The following SNAP25 variants were observed in gnomAD, a reference collection of about 807,000 sequenced individuals.
SNAP25 encodes synaptosome associated protein 25, also known as synaptosomal-associated protein 25.
A neutral mutation model predicts 28.7 loss-of-function variants in SNAP25; 3 were observed. That is an observed-to-expected ratio of 0.10 (90% confidence interval 0.05 to 0.27). The LOEUF is 0.27. SNAP25 is among the 10% of genes least tolerant of loss of function. The pLI is 1.00. For synonymous variants in SNAP25, 61 were observed against 88.1 expected (o/e 0.69, Z 1.72); for missense variants, 117 against 278.7 (o/e 0.42, Z 4.13).
Position 10,236,953 on chromosome 20 carries a change from A to AAAATAAAT in SNAP25, c.-64+17981_-64+17982insAATAAATA, listed in dbSNP as rs770867761. Among the ~76,000 whole-genome samples the AAAATAAAT allele has an allele frequency of 6.6e-3, 739 of 111,564 alleles. 4 individuals carry two copies. Among genetic ancestry groups the AAAATAAAT allele is most frequent in the African/African-American group, 0.013 (453 of 33,842 alleles). 73.2% of individuals were successfully genotyped at this position (111,564 alleles called of 152,430 possible). ...CTTCAGTTTACTGAGCCTCCAAAGGAAAATACATAAATAAATAAATAAATA... is the reference window on the plus strand; with the variant it reads ...CTTCAGTTTACTGAGCCTCCAAAGGAAAATAAATAAATACATAAATAAATAAATAAATA... On this transcript the variant is annotated intron_variant, in intron 1 of 7. Transcript: ENST00000254976.
At chr20:10,292,521 T>C (rs2064020126) in intron 4 of SNAP25, among the ~76,000 whole-genome samples, 1 of 152,186 alleles carries the variant, frequency 6.6e-6, no homozygotes. Flanking sequence ...ATCCTTTCCT[T>C]AGTAGCGTTA....
intron 1 of SNAP25, among the ~76,000 whole-genome samples, chr20:10,238,177 C>CGTGGA (rs2062958501): frequency 6.6e-6 from 1 of 152,174 alleles, no homozygotes; most frequent in Non-Finnish European, 1.5e-5. Context: ...GTTCCACCCA[C>CGTGGA]ACATGGCAGG....
intron 1 of SNAP25, among the ~76,000 whole-genome samples, chr20:10,264,343 T>C (rs1296336386): frequency 6.6e-6 from 1 of 152,072 alleles, no homozygotes. Flanking sequence ...CATTTAGGAA[T>C]GGTGTGGGGT....
At chr20:10,267,807 C>T (rs2063530146) in intron 1 of SNAP25, among the ~76,000 whole-genome samples, 1 of 152,220 alleles carries the variant, frequency 6.6e-6, no homozygotes, top group Non-Finnish European at 1.5e-5. Context: ...GCCTCGGCCT[C>T]CCAAAGTGCT....
intron 7 of SNAP25, among the ~76,000 whole-genome samples, chr20:10,300,484 G>A (rs900092428): frequency 3.9e-5 from 6 of 152,144 alleles, no homozygotes; most frequent in African/African-American, 1.2e-4. Flanking sequence ...CCTGGGAGAC[G>A]TTGAAGTTCT....
chr20:10,294,807 G>T (rs55987350), intron 5 of SNAP25, among the ~76,000 whole-genome samples: 17,077 of 135,556 alleles, frequency 0.13, 1,116 homozygotes, highest in Admixed American at 0.2. Context: ...AAAAAAAAAA[G>T]CCTCATTACC....
At chr20:10,292,763 C>T in intron 4 of SNAP25, 1 of 701,510 alleles carries the variant, frequency 1.4e-6, no homozygotes, top group East Asian at 2.5e-5. Context: ...AATGCATCCT[C>T]TTGGACAATG....
At chr20:10,286,757 T>C (rs1407436274) in intron 4 of SNAP25, among the ~76,000 whole-genome samples, 1 of 152,118 alleles carries the variant, frequency 6.6e-6, no homozygotes, top group African/African-American at 2.4e-5. Context: ...GAAAAAAAAG[T>C]TGAACATAAA....
At chr20:10,227,573 A>G (rs1022023135) in intron 1 of SNAP25, among the ~76,000 whole-genome samples, 3 of 152,164 alleles carry the variant, frequency 2.0e-5, no homozygotes, top group African/African-American at 7.2e-5. Context: ...GGTTTACCCT[A>G]ACTAGCTGCC....
chr20:10,303,433 GTTTGT>G (rs1202069055), intron 7 of SNAP25, among the ~76,000 whole-genome samples: 1 of 152,182 alleles, frequency 6.6e-6, no homozygotes, highest in African/African-American at 2.4e-5. Flanking sequence ...CTGGAAATAT[GTTTGT>G]TTTAACTTTG....
At chr20:10,257,746 G>T (rs1461313145) in intron 1 of SNAP25, among the ~76,000 whole-genome samples, 1 of 150,558 alleles carries the variant, frequency 6.6e-6, no homozygotes, top group Non-Finnish European at 1.5e-5. Context: ...TAGCCAGCAT[G>T]GTGGCATGCA....
intron 1 of SNAP25, among the ~76,000 whole-genome samples, chr20:10,266,204 T>C (rs979426760): frequency 6.6e-6 from 1 of 152,098 alleles, no homozygotes; most frequent in African/African-American, 2.4e-5. Context: ...TCTTCACCAG[T>C]TTCACTCACC....
At chr20:10,246,494 C>T (rs1183038927) in intron 1 of SNAP25, among the ~76,000 whole-genome samples, 2 of 152,122 alleles carry the variant, frequency 1.3e-5, no homozygotes, top group Non-Finnish European at 2.9e-5. Flanking sequence ...AAGAGGCAAA[C>T]CACCCTGACA....
intron 1 of SNAP25, among the ~76,000 whole-genome samples, chr20:10,259,765 G>A (rs1427018147): frequency 6.6e-6 from 1 of 152,028 alleles, no homozygotes; most frequent in East Asian, 1.9e-4. Context: ...TGAAACTCAT[G>A]GCCTCAAGCA....
chr20:10,252,273 T>C (rs957234258), intron 1 of SNAP25, among the ~76,000 whole-genome samples: 1 of 152,148 alleles, frequency 6.6e-6, no homozygotes, highest in Non-Finnish European at 1.5e-5. Context: ...GTTCACAGAG[T>C]ATTTGAGGAA....
At chr20:10,259,541 T>C (rs532156043) in intron 1 of SNAP25, among the ~76,000 whole-genome samples, 2 of 139,384 alleles carry the variant, frequency 1.4e-5, no homozygotes, top group South Asian at 4.5e-4. Context: ...TTTTTATTTT[T>C]ATTTTTATTT....
intron 3 of SNAP25, among the ~76,000 whole-genome samples, chr20:10,280,043 C>T (rs1408215103): frequency 6.6e-6 from 1 of 152,186 alleles, no homozygotes; most frequent in Non-Finnish European, 1.5e-5. Context: ...GATTGAAGTA[C>T]CAGGATCTTA....
chr20:10,220,080 G>T (rs2122577944), intron 1 of SNAP25, among the ~76,000 whole-genome samples: 1 of 152,202 alleles, frequency 6.6e-6, no homozygotes, highest in South Asian at 2.1e-4. Context: ...TACAGATCTT[G>T]GGTGAGCATA....
At chr20:10,285,453 A>C (rs201433638) in intron 4 of SNAP25, among the ~76,000 whole-genome samples, 1 of 152,346 alleles carries the variant, frequency 6.6e-6, no homozygotes, top group East Asian at 1.9e-4. Context: ...ATCTAGCCCT[A>C]TGGTGAGATT....
Sources: allele counts gnomAD v4.1 joint callset (sites outside exome capture counted in the v4.1 genomes callset), GRCh38; gene constraint gnomAD v4.1.1; transcripts MANE v1.5; gene names NCBI Gene and HGNC (gene_info 2026-07-23, HGNC 2026-07-21).